The following CCDC138 variants were observed in gnomAD, a reference collection of about 807,000 sequenced individuals.
CCDC138 encodes coiled-coil domain containing 138, also known as coiled-coil domain-containing protein 138.
Under a neutral mutation model 82.3 loss-of-function variants are expected in CCDC138, and 66 were observed. The observed-to-expected ratio is 0.80, with a 90% CI of 0.66 to 0.98. CCDC138 has a LOEUF of 0.98. Ranked by LOEUF, CCDC138 falls within the 50% of genes least tolerant of loss-of-function variation. The probability of loss-of-function intolerance (pLI) is 0.00; values close to 1 mark genes in which losing one functional copy is unlikely to be tolerated. For missense variants in CCDC138, 816 were observed against 758.9 expected (o/e 1.08, Z -0.88); for synonymous variants, 297 against 265.4 (o/e 1.12, Z -1.16).
chr2:108,804,765 C>T, intron 6 of CCDC138, 124 bp from the exon 7 acceptor site: 1 of 815,978 alleles, frequency 1.2e-6, no homozygotes, highest in South Asian at 3.8e-5. Context: ...CTTGTGCTTG[C>T]ATACACTGAT....
At chr2:108,790,592 C>T (rs905756811) in intron 3 of CCDC138, among the ~76,000 whole-genome samples, 3 of 152,146 alleles carry the variant, frequency 2.0e-5, no homozygotes, top group African/African-American at 7.2e-5. Context: ...GTCCCAGCTA[C>T]TCGGGAGGCT....
At position 108,804,879 on chromosome 2, in the gene CCDC138, C is replaced by A; in HGVS notation, c.736-10C>A. The stretch of plus-strand genomic sequence containing the variant: ...AGTTTTAGATGAGAGTTTTTTTTTT[C>A]TCCTCCTAGCAGCATGATGCAGAAG... On this transcript the variant is annotated splice_polypyrimidine_tract_variant and intron_variant, in intron 6 of 14. Coordinates refer to ENST00000295124, the MANE Select transcript of CCDC138 (RefSeq NM_144978.3). 4 of 1,303,772 alleles carry A rather than the reference C, an allele frequency of 3.1e-6. No homozygotes were observed. Among genetic ancestry groups the A allele is most frequent in the South Asian group, 2.0e-5 (1 of 50,388 alleles). 80.8% of individuals were successfully genotyped at this position (1,303,772 alleles called of 1,614,324 possible).
At chr2:108,808,257 G>A (rs996380180) in intron 7 of CCDC138, among the ~76,000 whole-genome samples, 5 of 151,996 alleles carry the variant, frequency 3.3e-5, no homozygotes, top group African/African-American at 4.8e-5. Context: ...TTTATCTATC[G>A]ATGGACACAT....
At chr2:108,861,917 AT>A (rs916111645) in intron 13 of CCDC138, among the ~76,000 whole-genome samples, 3 of 151,626 alleles carry the variant, frequency 2.0e-5, no homozygotes, top group Admixed American at 6.6e-5. Flanking sequence ...GTTTCAAAGA[AT>A]TTTTTTTTAT....
At chr2:108,839,375 T>C (rs1200670250) in intron 11 of CCDC138, 74 bp downstream of exon 11, 1 of 1,277,382 alleles carries the variant, frequency 7.8e-7, no homozygotes, top group African/African-American at 1.5e-5. Flanking sequence ...TTTCACAATA[T>C]CTGTTTTGAA....
chr2:108,879,698 A>C (rs901644580), downstream of CCDC138, among the ~76,000 whole-genome samples: 1 of 152,164 alleles, frequency 6.6e-6, no homozygotes, highest in Non-Finnish European at 1.5e-5. Context: ...CATTTTATAG[A>C]TCAAAAAAGA....
intron 5 of CCDC138, among the ~76,000 whole-genome samples, chr2:108,795,561 A>G (rs1435777173): frequency 1.3e-5 from 2 of 152,248 alleles, no homozygotes; most frequent in African/African-American, 2.4e-5. Context: ...TTGGAAACAC[A>G]TGAAATAGTT....
At chr2:108,788,476 T>C (rs1410596116) in intron 2 of CCDC138, among the ~76,000 whole-genome samples, 1 of 151,274 alleles carries the variant, frequency 6.6e-6, no homozygotes, top group East Asian at 1.9e-4. Context: ...CCCAGCACTT[T>C]GGGAGGCGAG....
At chr2:108,855,493 A>C (rs544133837) in intron 12 of CCDC138, among the ~76,000 whole-genome samples, 1 of 152,274 alleles carries the variant, frequency 6.6e-6, no homozygotes, top group South Asian at 2.1e-4. Flanking sequence ...TTGCTAAAAA[A>C]AAAAAAAGGA....
At chr2:108,824,096 A>C (rs1574080935) in intron 10 of CCDC138, among the ~76,000 whole-genome samples, 1 of 152,318 alleles carries the variant, frequency 6.6e-6, no homozygotes, top group East Asian at 1.9e-4. Context: ...TGAGTGTGAA[A>C]GTCTAAGACA....
intron 9 of CCDC138, among the ~76,000 whole-genome samples, chr2:108,814,257 C>T (rs558557210): frequency 6.6e-6 from 1 of 152,220 alleles, no homozygotes; most frequent in South Asian, 2.1e-4. Context: ...TTGGTTGCTC[C>T]ACAACCTTGT....
chr2:108,787,052 G>A (rs971874918), intron 1 of CCDC138, 137 bp downstream of exon 1: 2 of 463,664 alleles, frequency 4.3e-6, no homozygotes, highest in Admixed American at 9.3e-5. Context: ...CTGCGGCTTG[G>A]GCCTCGTGGA....
chr2:108,874,052 A>G (rs1361536581), intron 14 of CCDC138, among the ~76,000 whole-genome samples: 1 of 152,216 alleles, frequency 6.6e-6, no homozygotes, highest in East Asian at 1.9e-4. Context: ...CTCATTTCAG[A>G]TAAATGAACT....
Position 108,786,863 on chromosome 2 carries a change from T to C in CCDC138, c.41T>C (p.Val14Ala). Residue 14 changes from valine (V) to alanine (A), a missense_variant, in exon 1 of 15, where the codon GTA (valine) becomes GCA (alanine). By Grantham distance (64) the Val-to-Ala change is moderately conservative. Transcript: ENST00000295124. ...GTCAAGCCACCGGGGCAGGATTTAGTAGTGGAGAGTCTCAAAAGCCGCTAC... is the reference window on the plus strand; with the variant it reads ...GTCAAGCCACCGGGGCAGGATTTAGCAGTGGAGAGTCTCAAAAGCCGCTAC... ...RVVKPPGQDL[V>A]VESLKSRYGL... 2 of 1,585,596 alleles carry C rather than the reference T, an allele frequency of 1.3e-6. No individual in the cohort carries two copies. Among genetic ancestry groups the C allele is most frequent in the Non-Finnish European group, 1.7e-6 (2 of 1,168,042 alleles).
intron 13 of CCDC138, among the ~76,000 whole-genome samples, chr2:108,865,770 A>G (rs961672709): frequency 6.6e-6 from 1 of 152,128 alleles, no homozygotes; most frequent in Non-Finnish European, 1.5e-5. Flanking sequence ...GGTAGAAGCT[A>G]AAGAGCTGGG....
chr2:108,879,024 A>ACG (rs1696205705), downstream of CCDC138, among the ~76,000 whole-genome samples: 8 of 87,532 alleles, frequency 9.1e-5, no homozygotes, highest in African/African-American at 2.3e-4. Context: ...TAAGTTCTTT[A>ACG]TGGTCATGTT....
intron 3 of CCDC138, 108 bp downstream of exon 3, chr2:108,789,074 G>A: frequency 8.9e-7 from 1 of 1,118,288 alleles, no homozygotes; most frequent in Non-Finnish European, 1.3e-6. Context: ...ACAAGTATGA[G>A]GACAAGTATA....
intron 9 of CCDC138, among the ~76,000 whole-genome samples, chr2:108,815,281 CTTAAG>C (rs987373990): frequency 3.9e-5 from 6 of 152,020 alleles, no homozygotes; most frequent in South Asian, 4.2e-4. Context: ...GATTCATGCT[CTTAAG>C]TTAAGGCTAA....
intron 11 of CCDC138, 120 bp downstream of exon 11, chr2:108,839,421 T>C (rs1689094701): frequency 1.2e-6 from 1 of 803,250 alleles, no homozygotes; most frequent in Non-Finnish European, 1.9e-6. Context: ...CTTCCCTATC[T>C]ATGTCTTGCT....
Sources: allele counts gnomAD v4.1 joint callset (sites outside exome capture counted in the v4.1 genomes callset), GRCh38; gene constraint gnomAD v4.1.1; transcripts MANE v1.5; gene names NCBI Gene and HGNC (gene_info 2026-07-23, HGNC 2026-07-21).